TFDP2: variants seen among roughly 807,000 people sequenced by gnomAD.
The protein encoded by TFDP2 is transcription factor Dp-2, also known as transcription factor Dp-2 (E2F dimerization partner 2).
TFDP2 carries 17 observed loss-of-function variants against 59.3 expected under a neutral mutation model. The observed-to-expected ratio is 0.29, with a 90% CI of 0.20 to 0.43. TFDP2 has a LOEUF of 0.43. TFDP2 is among the 20% of genes least tolerant of loss of function. TFDP2 has a pLI of 1.00. For missense variants in TFDP2, 391 were observed against 528.8 expected (o/e 0.74, Z 2.56); for synonymous variants, 180 against 194.7 (o/e 0.92, Z 0.63).
At chr3:142,109,687 G>A (rs997061761) in intron 1 of TFDP2, among the ~76,000 whole-genome samples, 1 of 151,990 alleles carries the variant, frequency 6.6e-6, no homozygotes, top group African/African-American at 2.4e-5. Context: ...CCTGGGACCA[G>A]CATTTTATTT....
rs1935507039 is a variant in TFDP2, at chr3:141,948,502, C to T, written c.*4011G>A. 1 of 150,136 alleles carries T rather than the reference C, an allele frequency of 6.7e-6. No individual in the cohort carries two copies. Among genetic ancestry groups the T allele is most frequent in the Non-Finnish European group, 1.5e-5 (1 of 67,974 alleles). 9.3% of individuals were successfully genotyped at this position (150,136 alleles called of 1,614,324 possible). On this transcript the variant is annotated 3_prime_UTR_variant, in exon 13 of 13. Transcript: ENST00000489671. The stretch of plus-strand genomic sequence containing the variant: ...AGGTTGCAGTGAGCCGGGATTGCGC[C>T]ACTACACTCCAGCCTGGCGACAGAG...
chr3:142,148,796 A>G (rs6771905), intron 1 of TFDP2, among the ~76,000 whole-genome samples: 34,254 of 152,216 alleles, frequency 0.23, 4,762 homozygotes, highest in African/African-American at 0.39. Flanking sequence ...TTTAAAAACA[A>G]ACAAAACACC....
chr3:142,149,084 G>GTA (rs2063290076), intron 1 of TFDP2, 99 bp downstream of exon 1: 1 of 395,732 alleles, frequency 2.5e-6, no homozygotes. Context: ...GGGAACAAGG[G>GTA]GGCCCCTGTG....
At chr3:141,961,231 T>TTTG (rs1470458118) in intron 10 of TFDP2, among the ~76,000 whole-genome samples, 7 of 150,572 alleles carry the variant, frequency 4.6e-5, no homozygotes, top group South Asian at 2.1e-4. Context: ...TTCTCAGTTT[T>TTTG]TTGTTGTTTT....
chr3:141,977,091 T>TAGATAGATAGATAG (rs1553763125), intron 7 of TFDP2, among the ~76,000 whole-genome samples: 5 of 102,258 alleles, frequency 4.9e-5, no homozygotes, highest in Admixed American at 9.9e-5. Flanking sequence ...GTCATAGCCA[T>TAGATAGATAGATAG]ATATATATAT....
chr3:142,076,860 C>T (rs950261842), intron 3 of TFDP2, among the ~76,000 whole-genome samples: 4 of 152,110 alleles, frequency 2.6e-5, no homozygotes, highest in Admixed American at 6.5e-5. Context: ...ACTATCTACA[C>T]AAAAAAGTAC....
chr3:142,000,909 CCCAGGGTACCAGGGG>C (rs1233423696), intron 4 of TFDP2, among the ~76,000 whole-genome samples: 1 of 152,174 alleles, frequency 6.6e-6, no homozygotes, highest in African/African-American at 2.4e-5. Context: ...GAGTTGGGCC[CCCAGGGTACCAGGGG>C]CCCCCACCCC....
chr3:142,011,330 T>C (rs1209915293), intron 3 of TFDP2, among the ~76,000 whole-genome samples: 2 of 130,066 alleles, frequency 1.5e-5, no homozygotes, highest in African/African-American at 5.7e-5. Context: ...CTCAGTAAAC[T>C]ATCGCAAGAA....
At chr3:142,063,457 T>C (rs571446096) in intron 3 of TFDP2, among the ~76,000 whole-genome samples, 1 of 152,324 alleles carries the variant, frequency 6.6e-6, no homozygotes, top group Non-Finnish European at 1.5e-5. Context: ...TATTTAGTAA[T>C]TGCAAAACTA....
chr3:142,088,068 G>C (rs535100802), intron 3 of TFDP2, among the ~76,000 whole-genome samples: 1 of 152,254 alleles, frequency 6.6e-6, no homozygotes, highest in East Asian at 1.9e-4. Context: ...TTCCTCACCA[G>C]AATGTAAGCT....
intron 6 of TFDP2, among the ~76,000 whole-genome samples, chr3:141,983,015 T>C (rs1327760249): frequency 6.6e-6 from 1 of 152,236 alleles, no homozygotes; most frequent in African/African-American, 2.4e-5. Flanking sequence ...CTACAAGTGA[T>C]CTTATCCCCT....
intron 3 of TFDP2, among the ~76,000 whole-genome samples, chr3:142,087,311 T>C (rs911229423): frequency 2.0e-5 from 3 of 152,168 alleles, no homozygotes; most frequent in African/African-American, 4.8e-5. Flanking sequence ...AGCATGTTAC[T>C]GTACTGAATA....
At chr3:142,142,039 A>G (rs1055912527) in intron 1 of TFDP2, among the ~76,000 whole-genome samples, 2 of 152,196 alleles carry the variant, frequency 1.3e-5, no homozygotes, top group Non-Finnish European at 2.9e-5. Context: ...GATCTGAAAC[A>G]TGACAAGCAT....
At chr3:142,131,808 C>A (rs564648807) in intron 1 of TFDP2, among the ~76,000 whole-genome samples, 1 of 149,776 alleles carries the variant, frequency 6.7e-6, no homozygotes, top group South Asian at 2.1e-4. Flanking sequence ...GAGTTCGAGA[C>A]CAGCCTGGCC....
At chr3:142,008,634 A>G (rs1351779689) in intron 3 of TFDP2, among the ~76,000 whole-genome samples, 3 of 151,830 alleles carry the variant, frequency 2.0e-5, no homozygotes, top group African/African-American at 7.3e-5. Flanking sequence ...ATTCCACACC[A>G]TTTTCTGAGC....
intron 6 of TFDP2, among the ~76,000 whole-genome samples, chr3:141,982,641 G>A (rs1448817443): frequency 1.3e-5 from 2 of 152,152 alleles, no homozygotes; most frequent in East Asian, 3.9e-4. Context: ...TAGCTAATTG[G>A]CTCTCTATAG....
At chr3:142,091,145 G>A (rs775235053) in intron 3 of TFDP2, among the ~76,000 whole-genome samples, 1 of 152,112 alleles carries the variant, frequency 6.6e-6, no homozygotes, top group Non-Finnish European at 1.5e-5. Flanking sequence ...GAAGCTTTTA[G>A]GTAGCTTAAT....
chr3:142,006,774 CTTCT>C lies in TFDP2; in HGVS notation c.83-1234_83-1231del, dbSNP rs533318638. On this transcript the variant is annotated intron_variant, in intron 3 of 12. Coordinates refer to ENST00000489671, the MANE Select transcript of TFDP2 (RefSeq NM_001178139.2). Reference sequence around the variant, plus strand: ...GAGCCACGGCACCCAGCCTAAATGACTTCTTTTTCTTTTTCTTTTTTTTTGAGAG... The same window carrying C: ...GAGCCACGGCACCCAGCCTAAATGACTTTTCTTTTTCTTTTTTTTTGAGAG... Among the ~76,000 whole-genome samples, 150 of 150,630 alleles carry C rather than the reference CTTCT, an allele frequency of 1.0e-3. 1 individual carries two copies. Among genetic ancestry groups the C allele is most frequent in the African/African-American group, 3.0e-3 (126 of 41,428 alleles).
intron 7 of TFDP2, among the ~76,000 whole-genome samples, chr3:141,975,165 A>C (rs1300900738): frequency 6.6e-6 from 1 of 150,892 alleles, no homozygotes; most frequent in Non-Finnish European, 1.5e-5. Context: ...GCCTGCCTCG[A>C]CCTCCCAAAG....
Sources: gnomAD v4.1 joint callset for allele counts (sites outside exome capture counted in the v4.1 genomes callset) on GRCh38, gnomAD v4.1.1 for gene constraint, MANE v1.5 for transcripts, NCBI Gene and HGNC (gene_info 2026-07-23, HGNC 2026-07-21) for gene names.